Variants in SPAG9 observed in about 807,000 individuals in gnomAD.
The protein encoded by SPAG9 is C-Jun-amino-terminal kinase-interacting protein 4.
A neutral mutation model predicts 166.5 loss-of-function variants in SPAG9; 35 were observed. That is an observed-to-expected ratio of 0.21 (90% CI 0.16 to 0.28). The LOEUF (loss-of-function observed/expected upper bound fraction) is 0.28. Among genes scored for constraint, SPAG9 ranks in the 10% least tolerant of loss-of-function variants. The probability of loss-of-function intolerance (pLI) is 1.00; values close to 1 mark genes in which losing one functional copy is unlikely to be tolerated. For missense variants in SPAG9, 1,235 were observed against 1,603.3 expected, an observed-to-expected ratio of 0.77 and a Z score of 3.92; for synonymous variants, 534 against 565.5, an observed-to-expected ratio of 0.94 and a Z score of 0.79.
At chr17:51,077,057 GCTATCTAGCTAGCTAT>G (rs1466074931) in intron 2 of SPAG9, among the ~76,000 whole-genome samples, 24 of 126,886 alleles carry the variant, frequency 1.9e-4, no homozygotes, top group Middle Eastern at 4.1e-3. Context: ...TATCTAGCTA[GCTATCTAGCTAGCTAT>G]CTAGCTATCT....
At chr17:51,023,671 CT>C (rs1300919256) in intron 6 of SPAG9, among the ~76,000 whole-genome samples, 1 of 151,916 alleles carries the variant, frequency 6.6e-6, no homozygotes, top group Non-Finnish European at 1.5e-5. Flanking sequence ...TGAAATTCTT[CT>C]TTTTTTTCTA....
intron 1 of SPAG9, among the ~76,000 whole-genome samples, chr17:51,116,613 A>C (rs992275877): frequency 6.6e-6 from 1 of 152,006 alleles, no homozygotes; most frequent in Admixed American, 6.6e-5. Context: ...TAAAAAATTT[A>C]ATTAGCCCAG....
At chr17:51,022,508 G>T (rs2045978872) in intron 6 of SPAG9, among the ~76,000 whole-genome samples, 1 of 151,972 alleles carries the variant, frequency 6.6e-6, no homozygotes, top group African/African-American at 2.4e-5. Context: ...ATATTCAAAG[G>T]GGTTTGCAGC....
chr17:50,974,944 T>A lies in SPAG9; in HGVS notation c.3527A>T (p.Asn1176Ile). Residue 1176 changes from asparagine (N) to isoleucine (I), a missense_variant, in exon 28 of 30, where the codon AAT becomes ATT. This residue lies in a region of SPAG9 where 243 missense variants were observed against 358.6 expected (regional missense o/e 0.68). Coordinates refer to ENST00000262013, the MANE Select transcript of SPAG9 (RefSeq NM_001130528.3). ...ATTTCCTGGTACACCTGAGGTTTTA[T>A]TTGCTGCAACAGAAAAACCAAATAC... is the stretch of plus-strand genomic sequence containing the variant. ...VIISIPLTET[N>I]KTSGVPGNRP... The A allele has an allele frequency of 6.2e-7, 1 of 1,609,310 alleles. No individual in the cohort carries two copies. The highest frequency in any genetic ancestry group is 8.5e-7 in the Non-Finnish European group (1 of 1,178,900).
At chr17:51,047,702 CA>C (rs763552367) in intron 3 of SPAG9, among the ~76,000 whole-genome samples, 2,001 of 74,310 alleles carry the variant, frequency 0.027, 43 homozygotes, top group Admixed American at 0.11. Flanking sequence ...CTTAGGATGG[CA>C]AAAAAAAAAA....
At chr17:51,037,894 G>A (rs1044884504) in intron 5 of SPAG9, among the ~76,000 whole-genome samples, 2 of 151,508 alleles carry the variant, frequency 1.3e-5, no homozygotes, top group South Asian at 2.1e-4. Flanking sequence ...GCTCTTTAAC[G>A]CAACAGCTTT....
At chr17:51,006,344 A>G (rs931919889) in intron 10 of SPAG9, 107 bp from the exon 11 acceptor site, 1 of 1,048,618 alleles carries the variant, frequency 9.5e-7, no homozygotes, top group Non-Finnish European at 1.4e-6. Flanking sequence ...TAATAATTTA[A>G]TACTTCAAGA....
intron 1 of SPAG9, among the ~76,000 whole-genome samples, chr17:51,111,042 G>A (rs1368186951): frequency 1.3e-5 from 2 of 151,814 alleles, no homozygotes; most frequent in African/African-American, 4.8e-5. Context: ...CTTGAATCCA[G>A]GAGGCGGAGG....
chr17:51,054,654 C>A (rs2047309554), intron 3 of SPAG9, among the ~76,000 whole-genome samples: 1 of 150,842 alleles, frequency 6.6e-6, no homozygotes, highest in African/African-American at 2.4e-5. Flanking sequence ...GCCAGGATGG[C>A]CTCAATCTCC....
intron 19 of SPAG9, among the ~76,000 whole-genome samples, chr17:50,993,106 A>C (rs1267868495): frequency 6.6e-6 from 1 of 150,740 alleles, no homozygotes; most frequent in Non-Finnish European, 1.5e-5. Flanking sequence ...AAAAAAAAAA[A>C]AAAAAAAAGA....
chr17:51,022,111 A>AAAAAAACTCAACG (rs1312422715), intron 6 of SPAG9, among the ~76,000 whole-genome samples: 2 of 143,554 alleles, frequency 1.4e-5, no homozygotes, highest in East Asian at 4.2e-4. Context: ...CAACGGAGCT[A>AAAAAAACTCAACG]GACTCCATCT....
At chr17:51,021,817 A>C (rs1282240310) in intron 6 of SPAG9, among the ~76,000 whole-genome samples, 2 of 140,780 alleles carry the variant, frequency 1.4e-5, no homozygotes, top group African/African-American at 2.4e-5. Flanking sequence ...CCTGCATCTA[A>C]ATCATTTGAA....
intron 4 of SPAG9, chr17:51,046,902 C>G (rs1490484797): frequency 2.7e-6 from 4 of 1,509,132 alleles, no homozygotes; most frequent in Non-Finnish European, 3.5e-6. Flanking sequence ...GACAGCCAGC[C>G]TATTAACTAT....
intron 20 of SPAG9, 144 bp from the exon 21 acceptor site, chr17:50,990,016 AAC>A: frequency 1.3e-6 from 1 of 747,412 alleles, no homozygotes; most frequent in Non-Finnish European, 2.2e-6. Context: ...CATTCCATTT[AAC>A]AGTCATTACA....
At chr17:51,095,695 TATAGTGATATATATAGTGATATATAC>T in intron 1 of SPAG9, among the ~76,000 whole-genome samples, 1 of 148,658 alleles carries the variant, frequency 6.7e-6, no homozygotes, top group Non-Finnish European at 1.5e-5. Context: ...GTGATATATA[TATAGTGATATATATAGTGATATATAC>T]ATATAGTGAT....
At chr17:51,077,747 C>T (rs1198120373) in intron 2 of SPAG9, among the ~76,000 whole-genome samples, 2 of 152,032 alleles carry the variant, frequency 1.3e-5, no homozygotes, top group East Asian at 3.9e-4. Context: ...ACCTCCCAAG[C>T]TCAAGTGATC....
intron 2 of SPAG9, among the ~76,000 whole-genome samples, chr17:51,069,573 TTTAA>T (rs1216553309): frequency 6.6e-6 from 1 of 152,120 alleles, no homozygotes; most frequent in Non-Finnish European, 1.5e-5. Flanking sequence ...TTAAGCCTTA[TTTAA>T]TTCCTTTAAA....
chr17:50,990,504 C>T lies in SPAG9; in HGVS notation c.2563G>A (p.Ala855Thr). 1 of 1,613,506 alleles carries T rather than the reference C, an allele frequency of 6.2e-7. No individual in the cohort carries two copies. Among genetic ancestry groups the T allele is most frequent in the Non-Finnish European group, 8.5e-7 (1 of 1,179,944 alleles). ...CCATTTGTACTAGGGGAAGTGGCAGCTCCCGTCACACCTTCTGCAGAACAA... is the reference window on the plus strand; with the variant it reads ...CCATTTGTACTAGGGGAAGTGGCAGTTCCCGTCACACCTTCTGCAGAACAA... ...VGCSAEGVTG[A>T]ATSPSTNGAS... Residue 855 changes from alanine to threonine, a missense_variant, in exon 20 of 30, where the codon GCT (alanine) becomes ACT (threonine). Ala to Thr is a moderately conservative substitution (Grantham distance 58, BLOSUM62 0). Around this residue, in one of 6 missense-constraint regions of SPAG9, gnomAD observed 493 missense variants for 559.4 expected, o/e 0.88. Coordinates refer to ENST00000262013, the MANE Select transcript of SPAG9 (RefSeq NM_001130528.3).
intron 2 of SPAG9, among the ~76,000 whole-genome samples, chr17:51,060,776 G>A (rs1422535931): frequency 1.3e-5 from 2 of 151,720 alleles, no homozygotes; most frequent in Non-Finnish European, 2.9e-5. Flanking sequence ...CACCCAGTCT[G>A]TAATATTTTG....
Sources: allele counts gnomAD v4.1 joint callset (sites outside exome capture counted in the v4.1 genomes callset), GRCh38; gene constraint gnomAD v4.1.1; regional missense constraint gnomAD v4.1.1; transcripts MANE v1.5; gene names NCBI Gene and HGNC (gene_info 2026-07-23, HGNC 2026-07-21).